Variants in OTOG observed in about 807,000 individuals in gnomAD.
The protein encoded by OTOG is otogelin.
In OTOG, 296 loss-of-function variants were observed where a neutral mutation model predicts 313.8. The observed-to-expected ratio is 0.94, with a 90% CI of 0.86 to 1.04. OTOG has a LOEUF of 1.04. Among genes scored for constraint, OTOG ranks in the 50% least tolerant of loss-of-function variants. The pLI, the probability that OTOG is intolerant of heterozygous loss-of-function variation, is 0.00. For synonymous variants in OTOG, 1,533 were observed against 1,554.9 expected (o/e 0.99, Z 0.33); for missense variants, 3,948 against 3,840.1 (o/e 1.03, Z -0.74).
At chr11:17,632,324 T>C in intron 42 of OTOG, 98 bp downstream of exon 42, 2 of 1,270,992 alleles carry the variant, frequency 1.6e-6, no homozygotes, top group Admixed American at 5.5e-5. Context: ...ATGTATGCTT[T>C]CCCAGCTTTA....
chr11:17,610,835 T>C lies in OTOG; in HGVS notation c.5535T>C (p.Leu1845=). ...PQATTLPAQT[L]SPVLPFTPAA... is the part of the protein sequence containing the mutation. ...CCACGACTCTGCCTGCTCAGACACT[T>C]AGCCCAGTACTGCCTTTCACTCCAG... The change falls in exon 36 of 56, where the codon CTT becomes CTC. Residue 1845 remains leucine (L), a synonymous_variant. Transcript: ENST00000399397. 1.3e-6 allele frequency: 2 copies of C among 1,550,852 alleles called. No homozygotes were observed. Among genetic ancestry groups the C allele is most frequent in the Non-Finnish European group, 8.7e-7 (1 of 1,146,998 alleles).
intron 39 of OTOG, among the ~76,000 whole-genome samples, chr11:17,624,325 T>G (rs981910742): frequency 6.6e-6 from 1 of 152,220 alleles, no homozygotes; most frequent in Non-Finnish European, 1.5e-5. Context: ...AAGTTAATAT[T>G]TGTATATGGC....
In OTOG at chr11:17,622,695, G is replaced by A. The variant is rs564681354; in HGVS notation, c.6529-6438G>A. Reference sequence around the variant, plus strand: ...GTAAATGACAGAATCTCATATTATTGTGGCTGAATAGTACTCCATTGTGTA... The same window carrying A: ...GTAAATGACAGAATCTCATATTATTATGGCTGAATAGTACTCCATTGTGTA... On this transcript the variant is annotated intron_variant, in intron 39 of 55. Coordinates refer to ENST00000399397, the MANE Select transcript of OTOG (RefSeq NM_001292063.2). Among the ~76,000 whole-genome samples the A allele has an allele frequency of 3.9e-5, 6 of 152,178 alleles. No homozygotes were observed. In the South Asian group the frequency reaches 1.2e-3, roughly 32 times the overall value.
chr11:17,596,086 C>T lies in OTOG; in HGVS notation c.3457C>T (p.Arg1153Ter), dbSNP rs772430523. The T allele has an allele frequency of 3.9e-5, 60 of 1,550,714 alleles. No homozygotes were observed. The highest frequency in any genetic ancestry group is 1.7e-4 in the Middle Eastern group (1 of 6,016). Residue 1153 changes from arginine to a stop codon, truncating the protein, a stop_gained, in exon 29 of 56, where the codon CGA (arginine) becomes TGA (stop). Transcript: ENST00000399397. LOFTEE classifies it high-confidence loss of function. ...GGATATGTGTGTCCTGAATCCTCTC[C>T]GAGAACCATTTGCCAAGAAGGAGTG... ...PRDMCVLNPL[R>*]EPFAKKECSI...
In OTOG at chr11:17,574,885, A is replaced by C. The variant is rs1356770320; in HGVS notation, c.2459A>C (p.Asp820Ala). 8 of 1,531,998 alleles carry C rather than the reference A, an allele frequency of 5.2e-6. No individual in the cohort carries two copies. Among genetic ancestry groups the C allele is most frequent in the Non-Finnish European group, 6.2e-6 (7 of 1,136,650 alleles). 94.9% of individuals were successfully genotyped at this position (1,531,998 alleles called of 1,614,324 possible). ...GCACPPDTYL[D>A]TQADLCVPRN... ...GCCTGCCCACCGGACACCTATCTGG[A>C]CACCCAGGCTGACCTCTGTGTCCCC... is the stretch of plus-strand genomic sequence containing the variant. The change falls in exon 20 of 56, where the codon GAC becomes GCC. Residue 820 changes from aspartate (D) to alanine (A), a missense_variant. Asp to Ala is a moderately radical substitution (Grantham distance 126). Transcript: ENST00000399397.
In OTOG at chr11:17,631,752, G is replaced by T. The variant is rs565305037; in HGVS notation, c.6763G>T (p.Val2255Leu). 6.4e-7 allele frequency: 1 copy of T among 1,550,528 alleles called. No individual in the cohort carries two copies. Among genetic ancestry groups the T allele is most frequent in the Non-Finnish European group, 8.7e-7 (1 of 1,147,014 alleles). Residue 2255 changes from valine (V) to leucine (L), a missense_variant, in exon 41 of 56, where the codon GTG becomes TTG. Coordinates refer to ENST00000399397, the MANE Select transcript of OTOG (RefSeq NM_001292063.2). ...ANDLTLKDGSVVGGAEDPAPF... is the reference protein window; with the variant it reads ...ANDLTLKDGSLVGGAEDPAPF... ...TGACCTTACCCTGAAGGATGGCTCA[G>T]TGGTGGGTGGGGCTGAGGACCCTGC...
At chr11:17,573,424 C>T (rs950220727) in intron 19 of OTOG, 134 bp downstream of exon 19, 27 of 906,098 alleles carry the variant, frequency 3.0e-5, no homozygotes, top group Non-Finnish European at 3.4e-5. Context: ...GCCTGCTTCT[C>T]CTCCTGCACC....
At chr11:17,642,599 C>T (rs1847999492) in intron 53 of OTOG, among the ~76,000 whole-genome samples, 1 of 152,148 alleles carries the variant, frequency 6.6e-6, no homozygotes, top group Non-Finnish European at 1.5e-5. Flanking sequence ...GTCATCACAC[C>T]TCAAGGCACT....
Position 17,633,828 on chromosome 11 carries a change from C to T in OTOG, c.7221C>T (p.Ile2407=). 6.5e-7 allele frequency: 1 copy of T among 1,549,656 alleles called. No homozygotes were observed. The highest frequency in any genetic ancestry group is 8.7e-7 in the Non-Finnish European group (1 of 1,146,720). ...GCTGCGTCTGCTCCGAGGGCACCAT[C>T]TTACACCGGCGCCACTCTGCACTCT... The part of the protein sequence containing the change: ...GEGCVCSEGT[I]LHRRHSALCI... The change falls in exon 43 of 56, where the codon ATC becomes ATT. Residue 2407 remains isoleucine (I), a synonymous_variant. Coordinates refer to ENST00000399397, the MANE Select transcript of OTOG (RefSeq NM_001292063.2).
intron 23 of OTOG, among the ~76,000 whole-genome samples, chr11:17,584,287 C>T (rs2134046049): frequency 6.6e-6 from 1 of 152,216 alleles, no homozygotes; most frequent in South Asian, 2.1e-4. Context: ...ATTTTTACAT[C>T]TCCCATGTTT....
chr11:17,578,513 G>A lies in OTOG; in HGVS notation c.2746G>A (p.Ala916Thr), dbSNP rs774453668. The change falls in exon 23 of 56, where the codon GCC becomes ACC. Residue 916 changes from alanine to threonine, a missense_variant. Physicochemically the swap from Ala to Thr is moderately conservative, Grantham distance 58 (BLOSUM62 0). Coordinates refer to ENST00000399397, the MANE Select transcript of OTOG (RefSeq NM_001292063.2). ...CCGTGGCCCCTGCCTCTCGGGCTGC[G>A]CCTGTCCCCAGGGGTAAGTACCCAT... Reference protein sequence around the residue: ...SARGPCLSGCACPQGLLRHGD... With the variant: ...SARGPCLSGCTCPQGLLRHGD... The A allele has an allele frequency of 1.9e-5, 29 of 1,536,130 alleles. No homozygotes were observed. Among genetic ancestry groups the A allele is most frequent in the South Asian group, 3.6e-5 (3 of 83,638 alleles).
intron 12 of OTOG, among the ~76,000 whole-genome samples, chr11:17,560,014 C>T (rs1354652080): frequency 3.3e-5 from 5 of 152,138 alleles, no homozygotes; most frequent in Non-Finnish European, 7.4e-5. Context: ...TGCAGCCTCT[C>T]GAGAGATTCA....
At chr11:17,639,177 T>G (rs1192788492) in intron 48 of OTOG, among the ~76,000 whole-genome samples, 2 of 152,218 alleles carry the variant, frequency 1.3e-5, no homozygotes, top group South Asian at 2.1e-4. Flanking sequence ...CCATACCCAG[T>G]GGAGAGCTTG....
At chr11:17,559,302 GA>G in intron 11 of OTOG, 141 bp downstream of exon 11, 1 of 929,622 alleles carries the variant, frequency 1.1e-6, no homozygotes, top group South Asian at 1.7e-5. Flanking sequence ...TGAGAAAGAC[GA>G]AAAAACTGAG....
rs771388642 is a variant in OTOG at position 17,576,910 on chromosome 11, A to G, written c.2604A>G (p.Pro868=). Residue 868 remains proline (P), a splice_region_variant and synonymous_variant, in exon 22 of 56, where the codon CCA becomes CCG. Coordinates refer to ENST00000399397, the MANE Select transcript of OTOG (RefSeq NM_001292063.2). ...TCATGAGCTGTGATAGCAGAGCCCCAGGTAAGGGTGGGTGGAGGGGTGGAG... is the reference window on the plus strand; with the variant it reads ...TCATGAGCTGTGATAGCAGAGCCCCGGGTAAGGGTGGGTGGAGGGGTGGAG... ...DGVMSCDSRA[P]AAACPAGQVF... 5.2e-6 allele frequency: 8 copies of G among 1,550,378 alleles called. No homozygotes were observed. The highest frequency in any genetic ancestry group is 1.2e-5 in the South Asian group (1 of 84,000).
chr11:17,593,583 C>G (rs565391147), intron 26 of OTOG, 27 bp from the exon 27 acceptor site: 71 of 1,547,314 alleles, frequency 4.6e-5, no homozygotes, highest in Admixed American at 9.8e-5. Flanking sequence ...CACTTGGGCT[C>G]AGGACTGACC....
At position 17,609,711 on chromosome 11, in the gene OTOG, C is replaced by T; in HGVS notation, c.4411C>T (p.Pro1471Ser). 1 of 1,533,374 alleles carries T rather than the reference C, an allele frequency of 6.5e-7. No homozygotes were observed. Among genetic ancestry groups the T allele is most frequent in the South Asian group, 1.2e-5 (1 of 81,070 alleles). 95.0% of individuals were successfully genotyped at this position (1,533,374 alleles called of 1,614,324 possible). A position where few individuals can be genotyped will look rare whatever the true frequency, so the allele number is the denominator to read the frequency against. ...TEALGNETLP[P>S]SQGLPTPSDE... ...GGCCCTTGGCAATGAGACCCTCCCTCCCAGTCAAGGGTTGCCCACTCCCAG... is the reference window on the plus strand; with the variant it reads ...GGCCCTTGGCAATGAGACCCTCCCTTCCAGTCAAGGGTTGCCCACTCCCAG... The change falls in exon 36 of 56, where the codon CCC (proline) becomes TCC (serine). Residue 1471 changes from proline to serine, a missense_variant. Pro to Ser is a moderately conservative substitution (Grantham distance 74). Coordinates refer to ENST00000399397, the MANE Select transcript of OTOG (RefSeq NM_001292063.2).
chr11:17,630,003 A>C (rs886880034), intron 40 of OTOG, among the ~76,000 whole-genome samples: 8 of 151,242 alleles, frequency 5.3e-5, no homozygotes, highest in African/African-American at 1.9e-4. Context: ...ACACACACAC[A>C]CCCTCCATCC....
At chr11:17,584,047 G>T (rs898037075) in intron 23 of OTOG, among the ~76,000 whole-genome samples, 1 of 151,998 alleles carries the variant, frequency 6.6e-6, no homozygotes, top group Non-Finnish European at 1.5e-5. Flanking sequence ...TTTTTCATAG[G>T]TATTTGCTGT....
Sources: gnomAD v4.1 joint callset for allele counts (sites outside exome capture counted in the v4.1 genomes callset) on GRCh38, gnomAD v4.1.1 for gene constraint, MANE v1.5 for transcripts, NCBI Gene and HGNC (gene_info 2026-07-23, HGNC 2026-07-21) for gene names.